The following SOS2 variants were observed in gnomAD, a reference collection of about 807,000 sequenced individuals.
SOS2 encodes SOS Ras/Rho guanine nucleotide exchange factor 2.
A neutral mutation model predicts 148.2 loss-of-function variants in SOS2; 65 were observed. That is an observed-to-expected ratio of 0.44 (90% CI 0.36 to 0.54). The LOEUF is 0.54. Ranked by LOEUF, SOS2 falls within the 20% of genes least tolerant of loss-of-function variation. The pLI, the probability that SOS2 is intolerant of heterozygous loss-of-function variation, is 0.00. For synonymous variants in SOS2, 539 were observed against 537.1 expected (o/e 1.00, Z -0.05); for missense variants, 1,341 against 1,590.2 (o/e 0.84, Z 2.67).
chr14:50,161,785 CTTTCTTTTTTT>C (rs1226257380), intron 8 of SOS2, among the ~76,000 whole-genome samples, 176 bp from the exon 9 acceptor site: 1 of 104,918 alleles, frequency 9.5e-6, no homozygotes, highest in Non-Finnish European at 1.9e-5. Context: ...AACCCTTTTT[CTTTCTTTTTTT>C]TTTTTTTTTT....
In SOS2 at chr14:50,130,677, C is replaced by A; in HGVS notation, c.3161G>T (p.Gly1054Val). ...RHGSTSGTLRGHPTPLEREPC... is the reference protein window; with the variant it reads ...RHGSTSGTLRVHPTPLEREPC... ...TTCTCTTTCTAATGGTGTTGGGTGA[C>A]CTCGTAAAGTACCTGAGGTAGAGCC... Residue 1054 changes from glycine (G) to valine (V), a missense_variant, in exon 20 of 23, where the codon GGT becomes GTT. This residue lies in a region of SOS2 where 354 missense variants were observed against 347.7 expected (regional missense o/e 1.02). Coordinates refer to ENST00000216373, the MANE Select transcript of SOS2 (RefSeq NM_006939.4). 1.2e-6 allele frequency: 2 copies of A among 1,614,106 alleles called. No individual in the cohort carries two copies. Among genetic ancestry groups the A allele is most frequent in the Non-Finnish European group, 1.7e-6 (2 of 1,179,976 alleles).
intron 21 of SOS2, among the ~76,000 whole-genome samples, chr14:50,125,577 G>A (rs1288920052): frequency 7.2e-6 from 1 of 139,212 alleles, no homozygotes; most frequent in East Asian, 2.1e-4. Context: ...AGATTATAAT[G>A]TATATGGAGA....
chr14:50,210,232 A>T (rs897951747), intron 1 of SOS2, among the ~76,000 whole-genome samples: 10 of 152,334 alleles, frequency 6.6e-5, no homozygotes, highest in Middle Eastern at 3.4e-3. Context: ...GTCCACAAAC[A>T]AGTCCACATA....
At position 50,150,564 on chromosome 14, in the gene SOS2, CT is replaced by C. The variant is rs11288068; in HGVS notation, c.2162-335del. Among the ~76,000 whole-genome samples, 91,833 of 138,200 alleles carry C rather than the reference CT, an allele frequency of 0.66. 29,940 individuals carry two copies. Among genetic ancestry groups the C allele is most frequent in the Non-Finnish European group, 0.69 (43,764 of 63,678 alleles). The allele number at this position is 138,200 out of a possible 152,430, so 90.7% of individuals were successfully genotyped here. ...CACATTTCTCTCTCTGATTATTTTC[CT>C]TTTTTTTTTTTTTTGAGACAGGGTC... On this transcript the variant is annotated intron_variant, in intron 13 of 22. Coordinates refer to ENST00000216373, the MANE Select transcript of SOS2 (RefSeq NM_006939.4).
In SOS2 at chr14:50,153,063, A is replaced by G; in HGVS notation, c.2161+7T>C. On this transcript the variant is annotated splice_region_variant and intron_variant, in intron 13 of 22. Transcript: ENST00000216373. ...ATAAGATTCAATCAAACCTTTATAT[A>G]ATATACCTCTTACACTTGAAATGAA... The G allele has an allele frequency of 7.2e-7, 1 of 1,380,706 alleles. No individual in the cohort carries two copies. The allele number at this position is 1,380,706 out of a possible 1,614,324, so 85.5% of individuals were successfully genotyped here. A position where few individuals can be genotyped will look rare whatever the true frequency, so the allele number is the denominator to read the frequency against.
chr14:50,218,786 T>C (rs929536190), intron 1 of SOS2, among the ~76,000 whole-genome samples: 8 of 152,256 alleles, frequency 5.3e-5, no homozygotes, highest in South Asian at 4.1e-4. Flanking sequence ...TGTAAAACTA[T>C]ACAACCACTT....
At chr14:50,153,275 C>T (rs1448728096) in intron 12 of SOS2, 102 bp from the exon 13 acceptor site, 23 of 648,100 alleles carry the variant, frequency 3.5e-5, no homozygotes, top group East Asian at 3.4e-4. Flanking sequence ...CAAGGGTCAA[C>T]ATAATACTCA....
chr14:50,128,729 C>T (rs1017985509), intron 21 of SOS2, among the ~76,000 whole-genome samples: 17 of 152,282 alleles, frequency 1.1e-4, no homozygotes, highest in Admixed American at 3.9e-4. Flanking sequence ...TTTTAAGTGT[C>T]TTAGCACTAT....
At chr14:50,129,715 C>G (rs1883805672) in intron 21 of SOS2, among the ~76,000 whole-genome samples, 1 of 152,144 alleles carries the variant, frequency 6.6e-6, no homozygotes, top group Non-Finnish European at 1.5e-5. Context: ...TCATTTAATC[C>G]TTAACAAGTG....
chr14:50,129,949 A>C lies in SOS2; in HGVS notation c.3379+12T>G. On this transcript the variant is annotated intron_variant, in intron 21 of 22. Transcript: ENST00000216373. ...AGTCATTTCATTAAGAATCAACTTAAATTATACTTACTTGAATGTGGCAAA... is the reference window on the plus strand; with the variant it reads ...AGTCATTTCATTAAGAATCAACTTACATTATACTTACTTGAATGTGGCAAA... 6.5e-7 allele frequency: 1 copy of C among 1,531,286 alleles called. No individual in the cohort carries two copies. Among genetic ancestry groups the C allele is most frequent in the South Asian group, 1.2e-5 (1 of 86,558 alleles). 94.9% of individuals were successfully genotyped at this position (1,531,286 alleles called of 1,614,324 possible). A position where few individuals can be genotyped will look rare whatever the true frequency, so the allele number is the denominator to read the frequency against.
intron 18 of SOS2, among the ~76,000 whole-genome samples, chr14:50,136,315 C>T (rs1884079579): frequency 6.6e-6 from 1 of 152,166 alleles, no homozygotes; most frequent in African/African-American, 2.4e-5. Context: ...TTGACTCAAT[C>T]ATATAGAAGA....
At chr14:50,140,957 C>G (rs910305460) in intron 16 of SOS2, among the ~76,000 whole-genome samples, 2 of 152,046 alleles carry the variant, frequency 1.3e-5, no homozygotes, top group African/African-American at 4.8e-5. Flanking sequence ...GTAATCCCAG[C>G]ACTTTGGGAG....
intron 19 of SOS2, among the ~76,000 whole-genome samples, chr14:50,132,051 T>C (rs1323167957): frequency 6.6e-6 from 1 of 152,162 alleles, no homozygotes; most frequent in Non-Finnish European, 1.5e-5. Context: ...AGCAAAACTT[T>C]CAATGAAATG....
chr14:50,148,609 C>T (rs1021687821), intron 14 of SOS2, among the ~76,000 whole-genome samples: 3 of 152,044 alleles, frequency 2.0e-5, no homozygotes, highest in Non-Finnish European at 4.4e-5. Context: ...TTCATTTCTA[C>T]GTATCACAAA....
intron 12 of SOS2, chr14:50,156,424 A>C (rs770882605): frequency 6.6e-6 from 1 of 152,192 alleles, no homozygotes; most frequent in Admixed American, 6.6e-5. Context: ...TGAGATAAAA[A>C]AGATAAAGCA....
intron 21 of SOS2, among the ~76,000 whole-genome samples, chr14:50,121,215 T>C (rs912596937): frequency 6.6e-6 from 1 of 152,158 alleles, no homozygotes; most frequent in African/African-American, 2.4e-5. Flanking sequence ...AAATGATAAA[T>C]GACAGGAAAA....
Position 50,140,058 on chromosome 14 carries a change from G to A in SOS2, c.2669C>T (p.Ala890Val). 1.4e-6 allele frequency: 2 copies of A among 1,399,172 alleles called. No homozygotes were observed. The highest frequency in any genetic ancestry group is 2.0e-6 in the Non-Finnish European group (2 of 989,730). 86.7% of individuals were successfully genotyped at this position (1,399,172 alleles called of 1,614,324 possible). Residue 890 changes from alanine to valine, a missense_variant and splice_region_variant, in exon 17 of 23, where the codon GCA becomes GTA. By Grantham distance (64) the Ala-to-Val change is moderately conservative. This residue lies in a region of SOS2 where 408 missense variants were observed against 506.6 expected (regional missense o/e 0.81). Transcript: ENST00000216373. The part of the protein sequence containing the change: ...SVYRLDHTFE[A>V]LQERKRKILD... ...AATTTTCCTTTTCCTTTCCTGCAGT[G>A]CCTTAAAGTATACATAAATTGAGTA... is the stretch of plus-strand genomic sequence containing the variant.
intron 1 of SOS2, among the ~76,000 whole-genome samples, chr14:50,221,885 G>A (rs1295047221): frequency 4.6e-5 from 7 of 152,026 alleles, no homozygotes; most frequent in Admixed American, 1.3e-4. Context: ...AAAGCTTTAC[G>A]GTTGTAGGGA....
intron 21 of SOS2, among the ~76,000 whole-genome samples, chr14:50,126,983 T>G (rs1046376103): frequency 6.6e-6 from 1 of 152,106 alleles, no homozygotes; most frequent in Non-Finnish European, 1.5e-5. Flanking sequence ...GAGAATGCCT[T>G]AAAAGTTTCT....
Sources: allele counts gnomAD v4.1 joint callset (sites outside exome capture counted in the v4.1 genomes callset), GRCh38; gene constraint gnomAD v4.1.1; regional missense constraint gnomAD v4.1.1; transcripts MANE v1.5; gene names NCBI Gene and HGNC (gene_info 2026-07-23, HGNC 2026-07-21).